Variants in NCALD observed in about 807,000 individuals in gnomAD.
NCALD encodes the protein neurocalcin delta.
A neutral mutation model predicts 18.6 loss-of-function variants in NCALD; 10 were observed. The observed-to-expected ratio is 0.54, with a 90% CI of 0.33 to 0.91. The LOEUF (loss-of-function observed/expected upper bound fraction) is 0.91, where lower values mean the gene tolerates loss of function less well. NCALD is among the 40% of genes least tolerant of loss of function. NCALD has a pLI of 0.03. For synonymous variants in NCALD, 88 were observed against 87.4 expected, an observed-to-expected ratio of 1.01 and a Z score of -0.04; for missense variants, 184 against 247.6, an observed-to-expected ratio of 0.74 and a Z score of 1.72.
chr8:101,859,352 G>A (rs976874070), intron 4 of NCALD, among the ~76,000 whole-genome samples: 1 of 152,156 alleles, frequency 6.6e-6, no homozygotes, highest in Non-Finnish European at 1.5e-5. Context: ...GATTTGGACT[G>A]GTTTCGTTGC....
At chr8:101,968,459 G>A in intron 2 of NCALD, among the ~76,000 whole-genome samples, 1 of 152,088 alleles carries the variant, frequency 6.6e-6, no homozygotes, top group Non-Finnish European at 1.5e-5. Flanking sequence ...ACTAAGCCGT[G>A]GTAAACAAAA....
chr8:102,070,866 C>T (rs1012037309), intron 1 of NCALD, among the ~76,000 whole-genome samples: 9 of 152,148 alleles, frequency 5.9e-5, no homozygotes, highest in Non-Finnish European at 1.5e-5. Flanking sequence ...AAGCCCTCAT[C>T]CTCACCCCTT....
chr8:101,952,921 C>CT (rs1003853178), intron 2 of NCALD, among the ~76,000 whole-genome samples: 145 of 145,948 alleles, frequency 9.9e-4, no homozygotes, highest in Middle Eastern at 3.6e-3. Context: ...AGCAAGACTT[C>CT]TTTTTTTTTT....
chr8:102,075,379 ATCT>A (rs1232337186), intron 1 of NCALD, among the ~76,000 whole-genome samples: 1 of 152,162 alleles, frequency 6.6e-6, no homozygotes, highest in African/African-American at 2.4e-5. Context: ...TCTCATTGAA[ATCT>A]TCTCTCATTT....
intron 1 of NCALD, among the ~76,000 whole-genome samples, chr8:102,055,005 G>A (rs1466960908): frequency 1.3e-5 from 2 of 152,018 alleles, no homozygotes; most frequent in Non-Finnish European, 2.9e-5. Context: ...CTCTCAGGCT[G>A]CTGGTGTGAG....
At chr8:102,101,880 A>T (rs1200270307) in intron 1 of NCALD, among the ~76,000 whole-genome samples, 1 of 152,196 alleles carries the variant, frequency 6.6e-6, no homozygotes, top group Non-Finnish European at 1.5e-5. Context: ...TTTAAAACAA[A>T]ATCAATGTTT....
intron 2 of NCALD, among the ~76,000 whole-genome samples, chr8:101,921,656 C>T (rs143005136): frequency 3.1e-4 from 47 of 152,246 alleles, no homozygotes; most frequent in African/African-American, 1.1e-3. Context: ...GTAAGGACTT[C>T]ATGCAAGCTA....
Position 101,866,506 on chromosome 8 carries a change from T to C in NCALD, c.-20+20635A>G, listed in dbSNP as rs140461142. Among the ~76,000 whole-genome samples the C allele has an allele frequency of 3.4e-3, 513 of 152,340 alleles. 3 individuals carry two copies. The highest frequency in any genetic ancestry group is 3.9e-3 in the Non-Finnish European group (262 of 68,026). Reference sequence around the variant, plus strand: ...TCATCTACTTTGCATGTCTAATAGATGTTTAGGACTTAATATGTCCCCAGA... The same window carrying C: ...TCATCTACTTTGCATGTCTAATAGACGTTTAGGACTTAATATGTCCCCAGA... On this transcript the variant is annotated intron_variant, in intron 4 of 6. Coordinates refer to the NCALD transcript ENST00000311028.
At chr8:101,760,204 G>A (rs1047886795) in intron 1 of NCALD, among the ~76,000 whole-genome samples, 5 of 152,142 alleles carry the variant, frequency 3.3e-5, no homozygotes, top group African/African-American at 1.2e-4. Context: ...AGAACACATA[G>A]ACTGAATTTT....
At chr8:101,967,783 C>G (rs1314328733) in intron 2 of NCALD, among the ~76,000 whole-genome samples, 1 of 152,072 alleles carries the variant, frequency 6.6e-6, no homozygotes, top group Non-Finnish European at 1.5e-5. Context: ...CTCTCTACCC[C>G]AGAGTAGGCC....
chr8:102,007,377 C>T (rs1821750946), intron 2 of NCALD, among the ~76,000 whole-genome samples: 1 of 152,092 alleles, frequency 6.6e-6, no homozygotes, highest in Non-Finnish European at 1.5e-5. Context: ...AAAATGTTTA[C>T]TAAGGGGAAA....
chr8:101,839,655 T>C (rs546984660), intron 4 of NCALD, among the ~76,000 whole-genome samples: 2 of 152,312 alleles, frequency 1.3e-5, no homozygotes, highest in East Asian at 3.9e-4. Context: ...CCTAAGCTCC[T>C]ATATGGAAAT....
chr8:101,736,628 T>C (rs1809927303), intron 1 of NCALD, among the ~76,000 whole-genome samples: 1 of 151,878 alleles, frequency 6.6e-6, no homozygotes. Context: ...TACCCCGTGG[T>C]GAGTGGAAAT....
chr8:102,009,949 C>T (rs1257743579), intron 2 of NCALD, among the ~76,000 whole-genome samples: 1 of 152,210 alleles, frequency 6.6e-6, no homozygotes, highest in Non-Finnish European at 1.5e-5. Flanking sequence ...AACTGTAAGG[C>T]CCCACTGTGT....
intron 2 of NCALD, among the ~76,000 whole-genome samples, chr8:102,000,602 A>G (rs1425940397): frequency 2.6e-5 from 4 of 152,216 alleles, no homozygotes; most frequent in Non-Finnish European, 1.5e-5. Context: ...TGAACCCCGA[A>G]TAGCCTAACT....
At chr8:102,061,147 G>T (rs749599092) in intron 1 of NCALD, among the ~76,000 whole-genome samples, 2 of 152,166 alleles carry the variant, frequency 1.3e-5, no homozygotes, top group Non-Finnish European at 2.9e-5. Flanking sequence ...CCATCCAGAA[G>T]ATTACAGTGG....
intron 2 of NCALD, among the ~76,000 whole-genome samples, chr8:101,929,347 G>T (rs1165424068): frequency 6.6e-5 from 4 of 60,740 alleles, no homozygotes; most frequent in African/African-American, 2.2e-4. Context: ...AAGGGAGGGA[G>T]GAAGGAAAGG....
intron 2 of NCALD, among the ~76,000 whole-genome samples, chr8:101,924,368 G>A (rs910662005): frequency 7.2e-5 from 11 of 152,092 alleles, no homozygotes; most frequent in African/African-American, 1.9e-4. Context: ...TTCATTGAGC[G>A]GCACAGTATA....
intron 4 of NCALD, among the ~76,000 whole-genome samples, chr8:101,865,615 T>C (rs573282495): frequency 7.0e-4 from 107 of 152,022 alleles, no homozygotes; most frequent in Non-Finnish European, 1.2e-3. Flanking sequence ...CTTTCTCTCC[T>C]CTCTCTTTCT....
Sources: allele counts gnomAD v4.1 joint callset (sites outside exome capture counted in the v4.1 genomes callset), GRCh38; gene constraint gnomAD v4.1.1; transcripts MANE v1.5; gene names NCBI Gene and HGNC (gene_info 2026-07-23, HGNC 2026-07-21).